BAZ2B: variants seen among roughly 807,000 people sequenced by gnomAD.
The protein encoded by BAZ2B is bromodomain adjacent to zinc finger domain protein 2B.
BAZ2B carries 91 observed loss-of-function variants against 246.0 expected under a neutral mutation model. The observed-to-expected ratio is 0.37, with a 90% CI of 0.31 to 0.44. The LOEUF (loss-of-function observed/expected upper bound fraction) is 0.44. Ranked by LOEUF, BAZ2B falls within the 20% of genes least tolerant of loss-of-function variation. The probability of loss-of-function intolerance (pLI) is 1.00; values close to 1 mark genes in which losing one functional copy is unlikely to be tolerated. For missense variants in BAZ2B, 2,332 were observed against 2,533.7 expected, an observed-to-expected ratio of 0.92 and a Z score of 1.71; for synonymous variants, 855 against 860.0, an observed-to-expected ratio of 0.99 and a Z score of 0.10.
intron 25 of BAZ2B, among the ~76,000 whole-genome samples, chr2:159,377,552 T>C (rs11677438): frequency 0.66 from 100,878 of 152,092 alleles, 35,659 homozygotes; most frequent in Non-Finnish European, 0.81. Flanking sequence ...CAGTGGCTCA[T>C]GCCTGTAATC....
chr2:159,455,847 C>A lies in BAZ2B; in HGVS notation c.146-2046G>T, dbSNP rs180761270. 1.0e-4 allele frequency among the ~76,000 whole-genome samples: 12 copies of A among 116,164 alleles called. No homozygotes were observed. The East Asian group carries it at 3.5e-3, about 34-fold the overall frequency. The allele number at this position is 116,164 out of a possible 152,430, so 76.2% of individuals were successfully genotyped here. ...AAAAATGAGCTTGTAACTATAAAAA[C>A]CAGTTTTTACTTTCATTTGTTATTA... On this transcript the variant is annotated intron_variant, in intron 3 of 36. Transcript: ENST00000392783.
chr2:159,420,241 C>T (rs188825148), intron 13 of BAZ2B, among the ~76,000 whole-genome samples: 81 of 152,272 alleles, frequency 5.3e-4, no homozygotes, highest in Non-Finnish European at 8.7e-4. Flanking sequence ...CTTTAGGGGA[C>T]ATCTACTTAC....
chr2:159,703,062 C>A, the BAZ2B span, among the ~76,000 whole-genome samples: 1 of 61,790 alleles, frequency 1.6e-5, no homozygotes, highest in Non-Finnish European at 3.8e-5. Flanking sequence ...CAAACAAAAA[C>A]AAACAAAACA....
intron 1 of BAZ2B, among the ~76,000 whole-genome samples, chr2:159,584,187 T>C (rs186109910): frequency 6.6e-6 from 1 of 151,872 alleles, no homozygotes; most frequent in African/African-American, 2.4e-5. Flanking sequence ...AGCAGCACGA[T>C]CTCGACTCAC....
At chr2:159,373,780 C>T (rs546149470) in intron 26 of BAZ2B, among the ~76,000 whole-genome samples, 27 of 152,214 alleles carry the variant, frequency 1.8e-4, no homozygotes, top group South Asian at 6.2e-4. Context: ...GCAGTGACCA[C>T]GCCATTGCAC....
chr2:159,476,949 A>G (rs1010698155), intron 3 of BAZ2B, among the ~76,000 whole-genome samples: 3 of 152,214 alleles, frequency 2.0e-5, no homozygotes, highest in Admixed American at 2.0e-4. Context: ...AAATGTGAAC[A>G]AACTTGTTAA....
intron 27 of BAZ2B, among the ~76,000 whole-genome samples, chr2:159,351,693 T>A (rs1386715047): frequency 6.6e-6 from 1 of 152,206 alleles, no homozygotes; most frequent in Non-Finnish European, 1.5e-5. Context: ...TGGTCATTAG[T>A]AAGGCTGAAT....
intron 6 of BAZ2B, 21 bp from the exon 7 acceptor site, chr2:159,439,233 T>C (rs758416805): frequency 1.9e-6 from 3 of 1,583,954 alleles, no homozygotes; most frequent in East Asian, 4.5e-5. Flanking sequence ...ACAAGGTAGT[T>C]GGCAAGACTT....
chr2:159,422,410 A>C (rs1480177397), intron 13 of BAZ2B, among the ~76,000 whole-genome samples: 3 of 152,210 alleles, frequency 2.0e-5, no homozygotes, highest in Non-Finnish European at 4.4e-5. Context: ...GACCAATGGA[A>C]CAGGACAGAG....
chr2:159,389,423 T>C lies in BAZ2B; in HGVS notation c.3138A>G (p.Leu1046=). The C allele has an allele frequency of 6.2e-7, 1 of 1,611,830 alleles. No individual in the cohort carries two copies. Among genetic ancestry groups the C allele is most frequent in the Non-Finnish European group, 8.5e-7 (1 of 1,178,872 alleles). Residue 1046 remains leucine (L), a synonymous_variant, in exon 21 of 37, where the codon CTA becomes CTG. Coordinates refer to ENST00000392783, the MANE Select transcript of BAZ2B (RefSeq NM_013450.4). ...TTTCTAATTCTAATCTTCGCTGCTC[T>C]AGTTTACGCTCTTTATTTAATCTTT... is the stretch of plus-strand genomic sequence containing the variant. The part of the protein sequence containing the change: ...DEKRLNKERK[L]EQRRLELEMA...
chr2:159,624,888 C>A, the BAZ2B span, among the ~76,000 whole-genome samples: 1 of 151,980 alleles, frequency 6.6e-6, no homozygotes, highest in Admixed American at 6.6e-5. Flanking sequence ...CTCCTCTGAG[C>A]TAAAGGAGCA....
At chr2:159,692,223 C>T in the BAZ2B span, among the ~76,000 whole-genome samples, 1 of 152,000 alleles carries the variant, frequency 6.6e-6, no homozygotes, top group African/African-American at 2.4e-5. Flanking sequence ...GGCACAATCT[C>T]AGCTCACGGT....
chr2:159,402,249 A>G (rs2065196468), intron 16 of BAZ2B, among the ~76,000 whole-genome samples: 1 of 152,128 alleles, frequency 6.6e-6, no homozygotes, highest in Non-Finnish European at 1.5e-5. Context: ...GGAGTTCGAG[A>G]AACAAACAGT....
chr2:159,356,787 A>G (rs1458113448), intron 27 of BAZ2B, among the ~76,000 whole-genome samples: 1 of 152,228 alleles, frequency 6.6e-6, no homozygotes, highest in Non-Finnish European at 1.5e-5. Context: ...AGGAACAGGC[A>G]GCAATCTTTG....
At chr2:159,584,198 T>C (rs1047079775) in intron 1 of BAZ2B, among the ~76,000 whole-genome samples, 2 of 151,962 alleles carry the variant, frequency 1.3e-5, no homozygotes, top group Non-Finnish European at 2.9e-5. Flanking sequence ...CTCGACTCAC[T>C]GCATCCTCCA....
intron 27 of BAZ2B, among the ~76,000 whole-genome samples, chr2:159,351,230 C>T (rs974506986): frequency 1.3e-5 from 2 of 152,076 alleles, no homozygotes; most frequent in African/African-American, 2.4e-5. Flanking sequence ...CTACTACATA[C>T]ATAATATTCT....
At chr2:159,422,677 C>A (rs747839258) in intron 13 of BAZ2B, among the ~76,000 whole-genome samples, 7 of 152,086 alleles carry the variant, frequency 4.6e-5, no homozygotes, top group African/African-American at 1.7e-4. Flanking sequence ...GAATTTATTA[C>A]TAAGTCCCTA....
chr2:159,395,803 A>G lies in BAZ2B; in HGVS notation c.3041T>C (p.Leu1014Pro). The G allele has an allele frequency of 6.2e-7, 1 of 1,612,274 alleles. No individual in the cohort carries two copies. The highest frequency in any genetic ancestry group is 8.5e-7 in the Non-Finnish European group (1 of 1,178,958). The change falls in exon 20 of 37, where the codon CTT becomes CCT. Residue 1014 changes from leucine to proline, a missense_variant. Leu to Pro is a moderately conservative substitution (Grantham distance 98, BLOSUM62 -3). Around this residue, in one of 9 missense-constraint regions of BAZ2B, gnomAD observed 328 missense variants for 410.4 expected, o/e 0.80. Coordinates refer to ENST00000392783, the MANE Select transcript of BAZ2B (RefSeq NM_013450.4). ...TTTACGAGCTTCCATAGCTTTCATA[A>G]GCATCATGTGTTGTCGCCTTCGCTC... ...ERERRRQHMM[L>P]MKAMEARKKA...
chr2:159,625,260 G>A, the BAZ2B span, among the ~76,000 whole-genome samples: 3 of 151,906 alleles, frequency 2.0e-5, no homozygotes, highest in Non-Finnish European at 4.4e-5. Flanking sequence ...CACTCCTCAG[G>A]ATATCCAGGA....
Sources: allele counts gnomAD v4.1 joint callset (sites outside exome capture counted in the v4.1 genomes callset), GRCh38; gene constraint gnomAD v4.1.1; regional missense constraint gnomAD v4.1.1; transcripts MANE v1.5; gene names NCBI Gene and HGNC (gene_info 2026-07-23, HGNC 2026-07-21).